TC2N: variants seen among roughly 807,000 people sequenced by gnomAD.
TC2N encodes the protein tandem C2 domains, nuclear.
A neutral mutation model predicts 61.9 loss-of-function variants in TC2N; 51 were observed. The ratio of observed to expected loss-of-function variants is 0.82; its 90% CI spans 0.66 to 1.04. The LOEUF (loss-of-function observed/expected upper bound fraction) is 1.04. Ranked by LOEUF, TC2N falls within the 50% of genes least tolerant of loss-of-function variation. TC2N has a pLI of 0.00. For missense variants in TC2N, 556 were observed against 566.7 expected, an observed-to-expected ratio of 0.98 and a Z score of 0.19; for synonymous variants, 204 against 192.6, an observed-to-expected ratio of 1.06 and a Z score of -0.49.
intron 1 of TC2N, among the ~76,000 whole-genome samples, chr14:91,825,021 CTTTT>C (rs1887428208): frequency 1.1e-5 from 1 of 94,864 alleles, no homozygotes; most frequent in Non-Finnish European, 2.2e-5. Flanking sequence ...TTTTCTTTTT[CTTTT>C]CTTTTTTTTT....
chr14:91,799,034 T>C lies in TC2N; in HGVS notation c.592A>G (p.Ser198Gly), dbSNP rs1308304273. 6.3e-7 allele frequency: 1 copy of C among 1,594,212 alleles called. No individual in the cohort carries two copies. The highest frequency in any genetic ancestry group is 1.8e-5 in the Admixed American group (1 of 55,240). Reference sequence around the variant, plus strand: ...TGAGAATTTTTCCTTGAAGAAGAACTACTGGGTACACTGGACAATGAATCA... The same window carrying C: ...TGAGAATTTTTCCTTGAAGAAGAACCACTGGGTACACTGGACAATGAATCA... ...RHDSLSSVPSSSSSRKNSQGS... is the reference protein window; with the variant it reads ...RHDSLSSVPSGSSSRKNSQGS... The change falls in exon 6 of 12, where the codon AGT (serine) becomes GGT (glycine). Residue 198 changes from serine (S) to glycine (G), a missense_variant. Ser to Gly is a moderately conservative substitution (Grantham distance 56, BLOSUM62 0). Coordinates refer to ENST00000435962, the MANE Select transcript of TC2N (RefSeq NM_001128596.3).
chr14:91,791,748 A>G (rs763545567), intron 9 of TC2N, among the ~76,000 whole-genome samples: 1 of 149,434 alleles, frequency 6.7e-6, no homozygotes, highest in Non-Finnish European at 1.5e-5. Flanking sequence ...TCAGCTACCT[A>G]AAAAAACTTA....
chr14:91,844,249 T>C (rs1888221605), intron 1 of TC2N, among the ~76,000 whole-genome samples: 1 of 152,138 alleles, frequency 6.6e-6, no homozygotes, highest in African/African-American at 2.4e-5. Flanking sequence ...CTACAAAACA[T>C]GAACTTGTTT....
At chr14:91,835,278 G>A (rs1425969804) in intron 1 of TC2N, among the ~76,000 whole-genome samples, 2 of 152,074 alleles carry the variant, frequency 1.3e-5, no homozygotes, top group Non-Finnish European at 2.9e-5. Flanking sequence ...AGCTCTCAAA[G>A]GCAAGCAACA....
At chr14:91,857,327 C>T (rs1888501857) in intron 1 of TC2N, among the ~76,000 whole-genome samples, 1 of 152,156 alleles carries the variant, frequency 6.6e-6, no homozygotes, top group South Asian at 2.1e-4. Context: ...GGTCTGATTT[C>T]AAATCTTTCT....
chr14:91,818,556 C>A (rs1887106997), intron 1 of TC2N, among the ~76,000 whole-genome samples: 1 of 151,292 alleles, frequency 6.6e-6, no homozygotes. Flanking sequence ...ATATAGAACC[C>A]ATAATGAAGA....
chr14:91,784,948 A>G (rs937909040), intron 11 of TC2N, among the ~76,000 whole-genome samples: 3 of 152,206 alleles, frequency 2.0e-5, no homozygotes, highest in Non-Finnish European at 4.4e-5. Context: ...AGAAAAAAAC[A>G]TATTTAAAGA....
chr14:91,786,117 G>A lies in TC2N; in HGVS notation c.1163-756C>T, dbSNP rs544535514. On this transcript the variant is annotated intron_variant, in intron 10 of 11. Coordinates refer to ENST00000435962, the MANE Select transcript of TC2N (RefSeq NM_001128596.3). ...AACTCCCAGAAAGGTGGGAGCCACAGTGAGGGCTGAGATCCGACCGTCAGA... is the reference window on the plus strand; with the variant it reads ...AACTCCCAGAAAGGTGGGAGCCACAATGAGGGCTGAGATCCGACCGTCAGA... 2.3e-4 allele frequency among the ~76,000 whole-genome samples: 35 copies of A among 152,294 alleles called. 1 individual carries two copies. Among genetic ancestry groups the A allele is most frequent in the African/African-American group, 7.2e-4 (30 of 41,558 alleles).
intron 9 of TC2N, among the ~76,000 whole-genome samples, chr14:91,791,172 G>C: frequency 1.5e-5 from 1 of 66,596 alleles, no homozygotes; most frequent in East Asian, 5.2e-4. Context: ...GGAAGGGAAG[G>C]GAAAGGAGGG....
chr14:91,852,637 G>A (rs777850784), intron 1 of TC2N, among the ~76,000 whole-genome samples: 1 of 152,200 alleles, frequency 6.6e-6, no homozygotes, highest in African/African-American at 2.4e-5. Context: ...AATATAATGT[G>A]TGTGCTTTAA....
intron 1 of TC2N, among the ~76,000 whole-genome samples, chr14:91,819,424 A>C (rs1887148317): frequency 6.6e-6 from 1 of 152,102 alleles, no homozygotes; most frequent in African/African-American, 2.4e-5. Context: ...GTACTGAAAG[A>C]AAAAAACCCA....
At chr14:91,851,138 C>T (rs1159778746) in intron 1 of TC2N, among the ~76,000 whole-genome samples, 1 of 151,898 alleles carries the variant, frequency 6.6e-6, no homozygotes, top group East Asian at 1.9e-4. Context: ...TTGAATCATC[C>T]CAAAACCATC....
intron 1 of TC2N, among the ~76,000 whole-genome samples, chr14:91,826,319 GAAA>G (rs61107451): frequency 1.4e-5 from 2 of 139,972 alleles, no homozygotes; most frequent in East Asian, 2.0e-4. Context: ...GACCTTGTCT[GAAA>G]AAAAAAAAAA....
chr14:91,802,394 C>T lies in TC2N; in HGVS notation c.329G>A (p.Arg110Gln), dbSNP rs748384310. The T allele has an allele frequency of 3.7e-6, 6 of 1,612,032 alleles. No individual in the cohort carries two copies. The highest frequency in any genetic ancestry group is 2.2e-5 in the East Asian group (1 of 44,776). Residue 110 changes from arginine to glutamine, a missense_variant, in exon 4 of 12, where the codon CGA becomes CAA. Physicochemically the swap from Arg to Gln is conservative, Grantham distance 43. Coordinates refer to ENST00000435962, the MANE Select transcript of TC2N (RefSeq NM_001128596.3). ...EGSARASFGDRKVELSSSSQH... is the reference protein window; with the variant it reads ...EGSARASFGDQKVELSSSSQH... ...GGATGAACTGGAAAGTTCTACCTTT[C>T]GATCTCCAAAAGATGCTCTGGCAGA...
intron 1 of TC2N, among the ~76,000 whole-genome samples, chr14:91,814,216 AAAAC>A (rs1403157885): frequency 6.6e-6 from 1 of 151,162 alleles, no homozygotes; most frequent in African/African-American, 2.4e-5. Flanking sequence ...GAAATACAGA[AAAAC>A]AAAGAAAAAA....
chr14:91,852,240 C>T (rs1210396734), intron 1 of TC2N, among the ~76,000 whole-genome samples: 35 of 152,198 alleles, frequency 2.3e-4, no homozygotes, highest in Admixed American at 2.3e-3. Context: ...CCAGCCTGAA[C>T]AACATGGAGA....
chr14:91,854,833 G>A (rs1056260786), intron 1 of TC2N, among the ~76,000 whole-genome samples: 3 of 152,174 alleles, frequency 2.0e-5, no homozygotes, highest in Non-Finnish European at 4.4e-5. Context: ...CCACCCCATT[G>A]CCTCTGCTAG....
chr14:91,858,410 C>T (rs1286352212), intron 1 of TC2N, among the ~76,000 whole-genome samples: 1 of 152,098 alleles, frequency 6.6e-6, no homozygotes, highest in East Asian at 1.9e-4. Context: ...CCCTAGGTCA[C>T]ACAGCAGAGA....
chr14:91,800,437 G>T, intron 4 of TC2N, 65 bp from the exon 5 acceptor site: 1 of 849,788 alleles, frequency 1.2e-6, no homozygotes, highest in Non-Finnish European at 1.8e-6. Context: ...TAATTACCAT[G>T]AACTAAATCT....
Sources: allele counts gnomAD v4.1 joint callset (sites outside exome capture counted in the v4.1 genomes callset), GRCh38; gene constraint gnomAD v4.1.1; transcripts MANE v1.5; gene names NCBI Gene and HGNC (gene_info 2026-07-23, HGNC 2026-07-21).